The following MCPH1 variants were observed in gnomAD, a reference collection of about 807,000 sequenced individuals.
MCPH1 encodes microcephalin.
A neutral mutation model predicts 84.5 loss-of-function variants in MCPH1; 104 were observed. The ratio of observed to expected loss-of-function variants is 1.23; its 90% CI spans 1.05 to 1.45. MCPH1 has a LOEUF of 1.45. Ranked by LOEUF, MCPH1 falls within the 40% of genes most tolerant of loss-of-function variation. The pLI is 0.00. For synonymous variants in MCPH1, 514 were observed against 366.8 expected (o/e 1.40, Z -4.58); for missense variants, 1,498 against 1,005.7 (o/e 1.49, Z -6.62).
intron 12 of MCPH1, among the ~76,000 whole-genome samples, chr8:6,596,327 C>T (rs1563167893): frequency 6.6e-6 from 1 of 152,192 alleles, no homozygotes; most frequent in Admixed American, 6.5e-5. Context: ...TTAGACTCTG[C>T]TGCAGCTGCA....
intron 12 of MCPH1, among the ~76,000 whole-genome samples, chr8:6,578,233 CA>C (rs1455221320): frequency 1.3e-5 from 2 of 152,196 alleles, no homozygotes; most frequent in Non-Finnish European, 2.9e-5. Context: ...AATTCTTTCC[CA>C]AACTGGTATT....
chr8:6,476,691 C>T (rs1175503301), intron 9 of MCPH1, among the ~76,000 whole-genome samples: 1 of 152,198 alleles, frequency 6.6e-6, no homozygotes, highest in Non-Finnish European at 1.5e-5. Context: ...CTGTCATTTT[C>T]GTCAACCCTG....
chr8:6,456,657 C>CTTTT (rs35818409), intron 9 of MCPH1, among the ~76,000 whole-genome samples: 1 of 144,836 alleles, frequency 6.9e-6, no homozygotes. Context: ...CCATGTCTGG[C>CTTTT]TTTTTTTTTT....
At chr8:6,555,029 C>CT (rs1292501290) in intron 12 of MCPH1, among the ~76,000 whole-genome samples, 1 of 151,930 alleles carries the variant, frequency 6.6e-6, no homozygotes, top group Non-Finnish European at 1.5e-5. Context: ...GTTCCTTCCC[C>CT]TTTTTTTTAA....
chr8:6,582,146 G>A (rs533901811), intron 12 of MCPH1, among the ~76,000 whole-genome samples: 2 of 152,268 alleles, frequency 1.3e-5, no homozygotes, highest in South Asian at 4.2e-4. Context: ...GTGGGAACAG[G>A]GGTCTCAAGC....
chr8:6,566,944 G>A (rs62496878), intron 12 of MCPH1, among the ~76,000 whole-genome samples: 3,707 of 120,220 alleles, frequency 0.031, 82 homozygotes, highest in East Asian at 0.064. Flanking sequence ...TGCGGTGACC[G>A]TGTGTGATCG....
intron 9 of MCPH1, among the ~76,000 whole-genome samples, chr8:6,460,639 G>A (rs1362573499): frequency 5.9e-5 from 9 of 151,472 alleles, no homozygotes; most frequent in Admixed American, 4.6e-4. Flanking sequence ...CTCAATTTCT[G>A]TTTTTCTTAT....
intron 12 of MCPH1, among the ~76,000 whole-genome samples, chr8:6,510,062 G>A (rs1814689582): frequency 6.6e-6 from 1 of 152,144 alleles, no homozygotes; most frequent in Non-Finnish European, 1.5e-5. Context: ...ACCATTGTAA[G>A]CTGAATTGCA....
chr8:6,466,035 A>G (rs1291574122), intron 9 of MCPH1, among the ~76,000 whole-genome samples: 1 of 151,208 alleles, frequency 6.6e-6, no homozygotes, highest in Admixed American at 6.6e-5. Flanking sequence ...GCTCACTGCA[A>G]CCTCTGCCTC....
At chr8:6,583,737 G>C (rs955035458) in intron 12 of MCPH1, among the ~76,000 whole-genome samples, 2 of 151,354 alleles carry the variant, frequency 1.3e-5, no homozygotes, top group Non-Finnish European at 2.9e-5. Flanking sequence ...TCCGAGGCAG[G>C]TTATTCTGTG....
At chr8:6,564,265 C>T (rs1031694259) in intron 12 of MCPH1, among the ~76,000 whole-genome samples, 2 of 152,194 alleles carry the variant, frequency 1.3e-5, no homozygotes, top group Non-Finnish European at 2.9e-5. Flanking sequence ...GTGTGAGTCA[C>T]CATGCCTGGC....
chr8:6,581,177 A>G (rs1156729455), intron 12 of MCPH1, among the ~76,000 whole-genome samples: 3 of 152,212 alleles, frequency 2.0e-5, no homozygotes, highest in African/African-American at 7.2e-5. Context: ...AACCCCACAA[A>G]TACCAAGGGA....
chr8:6,576,032 C>G (rs1354569639), intron 12 of MCPH1, among the ~76,000 whole-genome samples: 7 of 110,318 alleles, frequency 6.3e-5, no homozygotes, highest in Admixed American at 3.4e-4. Flanking sequence ...ACAACCCTAG[C>G]AAACTAATAC....
intron 12 of MCPH1, chr8:6,563,008 C>T (rs1047675885): frequency 2.0e-6 from 3 of 1,484,848 alleles, no homozygotes; most frequent in Admixed American, 4.0e-5. Flanking sequence ...GAGCTGCTGC[C>T]GTCTAAAACG....
chr8:6,487,658 C>T (rs1586063626), intron 11 of MCPH1, among the ~76,000 whole-genome samples: 1 of 152,226 alleles, frequency 6.6e-6, no homozygotes, highest in South Asian at 2.1e-4. Flanking sequence ...GGGTGCCCTT[C>T]AGGTCTCTCT....
intron 12 of MCPH1, among the ~76,000 whole-genome samples, chr8:6,577,673 G>C (rs189970068): frequency 4.6e-5 from 7 of 152,360 alleles, no homozygotes; most frequent in East Asian, 1.9e-4. Context: ...AGCTGCAGTA[G>C]TGTGTTAGGT....
intron 2 of MCPH1, among the ~76,000 whole-genome samples, chr8:6,412,357 T>A (rs1212245666): frequency 6.6e-6 from 1 of 152,200 alleles, no homozygotes; most frequent in Non-Finnish European, 1.5e-5. Context: ...AGCATTAAGA[T>A]CTTAGATCTT....
At chr8:6,625,378 A>C (rs984177604) in intron 13 of MCPH1, 1 of 985,404 alleles carries the variant, frequency 1.0e-6, no homozygotes, top group Middle Eastern at 5.2e-4. Flanking sequence ...GACAAAGCAC[A>C]TTGTGTCTTT....
At chr8:6,470,294 A>AT (rs1483146566) in intron 9 of MCPH1, among the ~76,000 whole-genome samples, 1 of 150,564 alleles carries the variant, frequency 6.6e-6, no homozygotes, top group East Asian at 2.0e-4. Flanking sequence ...TTATTTTTTT[A>AT]TTTTTTCGAG....
Sources: gnomAD v4.1 joint callset for allele counts (sites outside exome capture counted in the v4.1 genomes callset) on GRCh38, gnomAD v4.1.1 for gene constraint, MANE v1.5 for transcripts, NCBI Gene and HGNC (gene_info 2026-07-23, HGNC 2026-07-21) for gene names.